Variants in PCDH7 observed in about 807,000 individuals in gnomAD.
PCDH7 encodes protocadherin-7.
In PCDH7, 17 loss-of-function variants were observed where a neutral mutation model predicts 58.9. That is an observed-to-expected ratio of 0.29 (90% CI 0.20 to 0.43). PCDH7 has a LOEUF of 0.43. Among genes scored for constraint, PCDH7 ranks in the 20% least tolerant of loss-of-function variants. The pLI, the probability that PCDH7 is intolerant of heterozygous loss-of-function variation, is 1.00. For synonymous variants in PCDH7, 664 were observed against 616.4 expected (o/e 1.08, Z -1.14); for missense variants, 1,274 against 1,441.0 (o/e 0.88, Z 1.88).
At chr4:30,748,307 A>C (rs2109255312) in intron 1 of PCDH7, among the ~76,000 whole-genome samples, 1 of 152,322 alleles carries the variant, frequency 6.6e-6, no homozygotes, top group Admixed American at 6.5e-5. Flanking sequence ...GAGCTTCAGT[A>C]TCCATCTGAG....
chr4:31,065,513 G>T (rs913993105), intron 3 of PCDH7, among the ~76,000 whole-genome samples: 1 of 151,870 alleles, frequency 6.6e-6, no homozygotes, highest in Admixed American at 6.6e-5. Context: ...CAATTACAAA[G>T]CATGTAGTCA....
At chr4:30,930,295 G>A (rs775304301) in intron 2 of PCDH7, among the ~76,000 whole-genome samples, 3 of 152,160 alleles carry the variant, frequency 2.0e-5, no homozygotes, top group Non-Finnish European at 4.4e-5. Context: ...AGAGGGTGAG[G>A]AAAAAGTGGT....
chr4:30,949,640 A>T (rs775037428), intron 2 of PCDH7, among the ~76,000 whole-genome samples: 2 of 152,140 alleles, frequency 1.3e-5, no homozygotes, highest in Non-Finnish European at 2.9e-5. Context: ...AGTTGTTTTC[A>T]TGTCAAAATT....
intron 3 of PCDH7, among the ~76,000 whole-genome samples, chr4:31,064,819 T>C (rs931829568): frequency 7.2e-5 from 11 of 151,998 alleles, no homozygotes; most frequent in African/African-American, 2.7e-4. Flanking sequence ...ATTGGAACTT[T>C]ATCTTATCTT....
chr4:30,827,428 C>A (rs1729241967), intron 1 of PCDH7, among the ~76,000 whole-genome samples: 1 of 151,966 alleles, frequency 6.6e-6, no homozygotes, highest in African/African-American at 2.4e-5. Context: ...TCAAAAAATA[C>A]CAAAATATTC....
chr4:30,987,321 T>A (rs13138590), intron 3 of PCDH7, among the ~76,000 whole-genome samples: 7,420 of 151,568 alleles, frequency 0.049, 410 homozygotes, highest in East Asian at 0.3. Context: ...TTGAAAATCT[T>A]TTTTTTTTCT....
intron 3 of PCDH7, among the ~76,000 whole-genome samples, chr4:31,129,988 G>T (rs1318957708): frequency 2.0e-5 from 3 of 151,618 alleles, no homozygotes; most frequent in Admixed American, 2.0e-4. Flanking sequence ...ACAGGTTAAA[G>T]AAAACAACAA....
At chr4:30,852,967 A>G (rs1346294529) in intron 1 of PCDH7, among the ~76,000 whole-genome samples, 1 of 151,728 alleles carries the variant, frequency 6.6e-6, no homozygotes, top group Admixed American at 6.6e-5. Context: ...CTGCTGCTTC[A>G]TAAAGATTGA....
intron 1 of PCDH7, among the ~76,000 whole-genome samples, chr4:30,740,514 A>T (rs1716923610): frequency 6.6e-6 from 1 of 152,088 alleles, no homozygotes; most frequent in African/African-American, 2.4e-5. Flanking sequence ...TTTGTTATTT[A>T]TATCATTAGT....
At chr4:30,898,883 G>A (rs1043195402) in intron 1 of PCDH7, among the ~76,000 whole-genome samples, 5 of 152,058 alleles carry the variant, frequency 3.3e-5, no homozygotes, top group Admixed American at 2.0e-4. Flanking sequence ...GAGCCACGGC[G>A]CCTGGCCTGA....
chr4:31,090,444 T>G (rs995762183), intron 3 of PCDH7, among the ~76,000 whole-genome samples: 3 of 152,052 alleles, frequency 2.0e-5, no homozygotes, highest in Admixed American at 2.0e-4. Context: ...TTAGTTATTT[T>G]AAAATGTTCA....
At chr4:30,731,411 T>C (rs1715478306) in exon 2 of PCDH7, 1 of 152,266 alleles carries the variant, frequency 6.6e-6, no homozygotes, top group Admixed American at 6.6e-5. Flanking sequence ...AAAAATATTG[T>C]CTGTAAAACA....
chr4:30,863,988 C>T (rs961304881), intron 1 of PCDH7, among the ~76,000 whole-genome samples: 24 of 152,030 alleles, frequency 1.6e-4, no homozygotes, highest in Non-Finnish European at 3.2e-4. Flanking sequence ...ATAGCTAGAG[C>T]GCATGACAGT....
At position 30,742,784 on chromosome 4, in the gene PCDH7, G is replaced by T. The variant is rs374316591; in HGVS notation, c.70+18188G>T. 5.3e-4 allele frequency among the ~76,000 whole-genome samples: 80 copies of T among 152,212 alleles called. 2 individuals are homozygous for T. In the South Asian group the frequency reaches 0.015, roughly 29 times the overall value. On this transcript the variant is annotated intron_variant, in intron 1 of 3. Coordinates refer to the PCDH7 transcript ENST00000509759. ...TTCGGCTTCATATGAGAAAGAAAAA[G>T]AATATTCATCACATACTGCTTCATA...
chr4:31,035,775 A>T (rs1755361389), intron 3 of PCDH7, among the ~76,000 whole-genome samples: 1 of 152,216 alleles, frequency 6.6e-6, no homozygotes, highest in Non-Finnish European at 1.5e-5. Context: ...GCAGTTCATT[A>T]TTTTAAAACA....
downstream of PCDH7, among the ~76,000 whole-genome samples, chr4:30,737,809 T>C (rs1259852905): frequency 6.6e-6 from 1 of 152,196 alleles, no homozygotes; most frequent in Non-Finnish European, 1.5e-5. Flanking sequence ...GATAACATTC[T>C]TTTTTACATT....
intron 1 of PCDH7, among the ~76,000 whole-genome samples, chr4:30,892,794 T>C (rs1321329890): frequency 6.6e-6 from 1 of 152,076 alleles, no homozygotes; most frequent in Non-Finnish European, 1.5e-5. Context: ...AGGAATCTAA[T>C]AATTGTATTC....
chr4:31,047,969 A>G (rs1287232525), intron 3 of PCDH7, among the ~76,000 whole-genome samples: 1 of 152,006 alleles, frequency 6.6e-6, no homozygotes, highest in Non-Finnish European at 1.5e-5. Flanking sequence ...TTATTTATAC[A>G]TTTTTAACCA....
intron 1 of PCDH7, among the ~76,000 whole-genome samples, chr4:30,838,062 A>T (rs902431961): frequency 6.6e-6 from 1 of 151,742 alleles, no homozygotes; most frequent in Non-Finnish European, 1.5e-5. Context: ...GGGCTAGGAG[A>T]GATAATCGAC....
Sources: gnomAD v4.1 joint callset for allele counts (sites outside exome capture counted in the v4.1 genomes callset) on GRCh38, gnomAD v4.1.1 for gene constraint, MANE v1.5 for transcripts, NCBI Gene and HGNC (gene_info 2026-07-23, HGNC 2026-07-21) for gene names.